CACNA1E: variants seen among roughly 807,000 people sequenced by gnomAD.
CACNA1E encodes voltage-dependent R-type calcium channel subunit alpha-1E.
CACNA1E carries 40 observed loss-of-function variants against 259.2 expected under a neutral mutation model. The ratio of observed to expected loss-of-function variants is 0.15; its 90% CI spans 0.12 to 0.20. CACNA1E has a LOEUF of 0.20. Among genes scored for constraint, CACNA1E ranks in the 10% least tolerant of loss-of-function variants. CACNA1E has a pLI of 1.00. For synonymous variants in CACNA1E, 1,104 were observed against 1,138.5 expected (o/e 0.97, Z 0.61); for missense variants, 1,874 against 3,040.1 (o/e 0.62, Z 9.02).
intron 1 of CACNA1E, among the ~76,000 whole-genome samples, chr1:181,343,305 G>A (rs1652317417): frequency 6.6e-6 from 1 of 152,166 alleles, no homozygotes; most frequent in Non-Finnish European, 1.5e-5. Context: ...GGTGCTGGAG[G>A]TGGGCGTAGG....
At chr1:181,751,378 G>T (rs558555690) in intron 26 of CACNA1E, among the ~76,000 whole-genome samples, 8 of 152,218 alleles carry the variant, frequency 5.3e-5, no homozygotes, top group Non-Finnish European at 1.2e-4. Flanking sequence ...CCTGCAGTTT[G>T]GGCCTCCTCC....
intron 12 of CACNA1E, 89 bp from the exon 13 acceptor site, chr1:181,719,662 T>G: frequency 1.5e-5 from 9 of 617,994 alleles, no homozygotes; most frequent in Non-Finnish European, 2.6e-5. Flanking sequence ...CATCCCCCAC[T>G]GAGAGCTGTT....
intron 3 of CACNA1E, among the ~76,000 whole-genome samples, chr1:181,562,734 A>G (rs986820578): frequency 2.6e-5 from 4 of 152,156 alleles, no homozygotes; most frequent in Non-Finnish European, 5.9e-5. Context: ...TGTTGTTCCT[A>G]ATAAATAGAA....
rs1657647094 is a variant in CACNA1E, at chr1:181,752,066, T to TA, written c.3732-76dup. ...CATCTCTCCCCTTTTAGCCTGTTGT[T>TA]ACTAATGCCATAGTTTGAATGTCAT... On this transcript the variant is annotated intron_variant, in intron 26 of 47. Transcript: ENST00000367573. 6.8e-6 allele frequency: 7 copies of TA among 1,028,500 alleles called. No individual in the cohort carries two copies. In the East Asian group the frequency reaches 1.7e-4, roughly 24 times the overall value. The allele number at this position is 1,028,500 out of a possible 1,614,324, so 63.7% of individuals were successfully genotyped here.
At chr1:181,742,884 G>A (rs1412400098) in intron 25 of CACNA1E, among the ~76,000 whole-genome samples, 1 of 152,104 alleles carries the variant, frequency 6.6e-6, no homozygotes. Flanking sequence ...AATTCCATTA[G>A]GGAACTTTAT....
At position 181,592,018 on chromosome 1, in the gene CACNA1E, C is replaced by T. The variant is rs111347049; in HGVS notation, c.951+11242C>T. Among the ~76,000 whole-genome samples, 590 of 152,332 alleles carry T rather than the reference C, an allele frequency of 3.9e-3. 3 individuals carry two copies. Among genetic ancestry groups the T allele is most frequent in the African/African-American group, 0.014 (570 of 41,582 alleles). On this transcript the variant is annotated intron_variant, in intron 6 of 47. Transcript: ENST00000367573. ...CTAGCCACTTTACACTTTCCATTTG[C>T]ATCATTGCCAACCTTGAGTGTACAC... is the stretch of plus-strand genomic sequence containing the variant.
intron 3 of CACNA1E, among the ~76,000 whole-genome samples, chr1:181,551,234 C>T (rs1405001491): frequency 1.3e-5 from 2 of 152,204 alleles, no homozygotes; most frequent in Non-Finnish European, 2.9e-5. Flanking sequence ...CTCTGGTCCT[C>T]CCACCTGCAT....
At chr1:181,363,666 T>C (rs1471996738) in intron 1 of CACNA1E, among the ~76,000 whole-genome samples, 2 of 152,032 alleles carry the variant, frequency 1.3e-5, no homozygotes, top group African/African-American at 2.4e-5. Flanking sequence ...ATGGACCCTG[T>C]CCATCAGTCA....
At chr1:181,492,290 T>C (rs769030105) in intron 1 of CACNA1E, among the ~76,000 whole-genome samples, 9 of 152,242 alleles carry the variant, frequency 5.9e-5, no homozygotes, top group Non-Finnish European at 1.0e-4. Flanking sequence ...GAGCATTCAT[T>C]GTATTATATT....
intron 1 of CACNA1E, among the ~76,000 whole-genome samples, chr1:181,506,583 G>A (rs1449032230): frequency 6.6e-6 from 1 of 152,202 alleles, no homozygotes; most frequent in Non-Finnish European, 1.5e-5. Context: ...ATAGTTTCTT[G>A]ATTTAAATAG....
At chr1:181,529,637 G>A (rs978043517) in intron 3 of CACNA1E, among the ~76,000 whole-genome samples, 6 of 152,194 alleles carry the variant, frequency 3.9e-5, no homozygotes, top group Non-Finnish European at 7.3e-5. Context: ...TTTGGCATTG[G>A]CATGTCCTGG....
At chr1:181,685,251 A>G (rs1650416997) in intron 7 of CACNA1E, among the ~76,000 whole-genome samples, 1 of 22,846 alleles carries the variant, frequency 4.4e-5, no homozygotes, top group Non-Finnish European at 9.3e-5. Flanking sequence ...TTTTTTTTTG[A>G]GACGGAATTA....
chr1:181,609,134 C>G (rs774752125), intron 6 of CACNA1E, among the ~76,000 whole-genome samples: 7 of 152,230 alleles, frequency 4.6e-5, no homozygotes, highest in Non-Finnish European at 1.0e-4. Flanking sequence ...TCCCGCCAGT[C>G]TCTACCTTTG....
intron 3 of CACNA1E, among the ~76,000 whole-genome samples, chr1:181,555,351 T>C (rs1648609448): frequency 6.6e-6 from 1 of 152,214 alleles, no homozygotes; most frequent in Admixed American, 6.5e-5. Flanking sequence ...AGGTCTTTCA[T>C]CTAGAGCGAA....
At chr1:181,764,038 C>T (rs1467229133) in intron 34 of CACNA1E, among the ~76,000 whole-genome samples, 3 of 152,178 alleles carry the variant, frequency 2.0e-5, no homozygotes, top group African/African-American at 7.2e-5. Flanking sequence ...ATTTCCTGAG[C>T]CACTGAACAC....
chr1:181,790,170 A>G (rs750417310), intron 43 of CACNA1E, among the ~76,000 whole-genome samples: 1 of 152,222 alleles, frequency 6.6e-6, no homozygotes, highest in Non-Finnish European at 1.5e-5. Context: ...TTGCTCTTCC[A>G]TATGGCTGAA....
chr1:181,433,212 G>A (rs910755710), intron 2 of CACNA1E, among the ~76,000 whole-genome samples: 3 of 152,112 alleles, frequency 2.0e-5, no homozygotes, highest in African/African-American at 7.2e-5. Flanking sequence ...CCCAACCTGG[G>A]GCTTCTCTTC....
intron 7 of CACNA1E, among the ~76,000 whole-genome samples, chr1:181,699,452 G>T (rs752984372): frequency 1.3e-5 from 2 of 152,170 alleles, no homozygotes; most frequent in Admixed American, 6.5e-5. Flanking sequence ...CCACGCCAGT[G>T]GTCGGGAAGA....
At chr1:181,539,396 A>C (rs1282735707) in intron 3 of CACNA1E, among the ~76,000 whole-genome samples, 1 of 152,202 alleles carries the variant, frequency 6.6e-6, no homozygotes, top group East Asian at 1.9e-4. Context: ...TTAATGAATT[A>C]ATGAATGAAT....
Sources: allele counts gnomAD v4.1 joint callset (sites outside exome capture counted in the v4.1 genomes callset), GRCh38; gene constraint gnomAD v4.1.1; transcripts MANE v1.5; gene names NCBI Gene and HGNC (gene_info 2026-07-23, HGNC 2026-07-21).